The following CA10 variants were observed in gnomAD, a reference collection of about 807,000 sequenced individuals.
CA10 encodes the protein carbonic anhydrase 10 (inactive), also known as carbonic anhydrase-related protein 10.
A neutral mutation model predicts 44.2 loss-of-function variants in CA10; 14 were observed. The observed-to-expected ratio is 0.32, with a 90% confidence interval of 0.21 to 0.50. The LOEUF (loss-of-function observed/expected upper bound fraction) is 0.50, where lower values mean the gene tolerates loss of function less well. Ranked by LOEUF, CA10 falls within the 20% of genes least tolerant of loss-of-function variation. The probability of loss-of-function intolerance (pLI) is 0.99; values close to 1 mark genes in which losing one functional copy is unlikely to be tolerated. For synonymous variants in CA10, 159 were observed against 141.6 expected, an observed-to-expected ratio of 1.12 and a Z score of -0.87; for missense variants, 350 against 409.7, an observed-to-expected ratio of 0.85 and a Z score of 1.26.
chr17:51,793,453 A>T (rs1906597177), intron 3 of CA10, among the ~76,000 whole-genome samples: 1 of 152,224 alleles, frequency 6.6e-6, no homozygotes, highest in Non-Finnish European at 1.5e-5. Flanking sequence ...CAAGACTGGA[A>T]TGATAATCCC....
chr17:52,137,889 C>G (rs1163299199), intron 1 of CA10, among the ~76,000 whole-genome samples: 3 of 152,146 alleles, frequency 2.0e-5, no homozygotes, highest in Admixed American at 6.6e-5. Context: ...CTTTCCTTCA[C>G]CACAGCTGTG....
intron 3 of CA10, among the ~76,000 whole-genome samples, chr17:51,754,945 A>G (rs1476130319): frequency 1.3e-5 from 2 of 152,022 alleles, no homozygotes; most frequent in African/African-American, 4.8e-5. Flanking sequence ...ATATAGCTAC[A>G]TTATCTATAT....
At position 52,101,170 on chromosome 17, in the gene CA10, G is replaced by A. The variant is rs143767195; in HGVS notation, c.62-28777C>T. Among the ~76,000 whole-genome samples, 549 of 152,306 alleles carry A rather than the reference G, an allele frequency of 3.6e-3. 4 individuals are homozygous for A. The highest frequency in any genetic ancestry group is 0.029 in the South Asian group (138 of 4,824). ...GATGGCCTCCAGTAATGAGATGCAA[G>A]TGAGAGCTAAGTCCCCTTCTCCCAA... On this transcript the variant is annotated intron_variant, in intron 1 of 8. Transcript: ENST00000451037.
chr17:52,043,256 A>G (rs998594375), intron 2 of CA10, among the ~76,000 whole-genome samples: 1 of 152,050 alleles, frequency 6.6e-6, no homozygotes, highest in African/African-American at 2.4e-5. Context: ...TTCCATCAGC[A>G]TCTCACAGTT....
At chr17:51,943,728 G>A (rs1182022532) in intron 2 of CA10, among the ~76,000 whole-genome samples, 2 of 152,266 alleles carry the variant, frequency 1.3e-5, no homozygotes, top group African/African-American at 4.8e-5. Context: ...AAGCAGCCCA[G>A]CTACTTCCCA....
intron 1 of CA10, among the ~76,000 whole-genome samples, chr17:52,087,286 G>A (rs1022533748): frequency 3.9e-5 from 6 of 152,128 alleles, no homozygotes; most frequent in Admixed American, 6.5e-5. Context: ...GATTATAGGC[G>A]TGTGCCACCA....
At chr17:51,659,454 CTT>C (rs973262514) in intron 4 of CA10, among the ~76,000 whole-genome samples, 1 of 152,168 alleles carries the variant, frequency 6.6e-6, no homozygotes, top group African/African-American at 2.4e-5. Context: ...TAAATCTCCT[CTT>C]ATATATCTAT....
At chr17:51,707,273 T>C (rs1230363268) in intron 4 of CA10, among the ~76,000 whole-genome samples, 3 of 152,222 alleles carry the variant, frequency 2.0e-5, no homozygotes, top group African/African-American at 7.2e-5. Context: ...ATTCTTTTTA[T>C]AGAGATTCTG....
intron 3 of CA10, among the ~76,000 whole-genome samples, chr17:51,812,768 C>A (rs1907420282): frequency 6.6e-6 from 1 of 152,188 alleles, no homozygotes; most frequent in South Asian, 2.1e-4. Flanking sequence ...CTGAGTCCCA[C>A]CTGCTCTCAG....
intron 4 of CA10, among the ~76,000 whole-genome samples, chr17:51,656,592 G>T (rs1192608238): frequency 6.6e-6 from 1 of 152,154 alleles, no homozygotes; most frequent in African/African-American, 2.4e-5. Flanking sequence ...ATACATTCTA[G>T]AAATAAAGCT....
intron 2 of CA10, among the ~76,000 whole-genome samples, chr17:52,041,678 C>A (rs769995810): frequency 4.3e-4 from 65 of 152,076 alleles, no homozygotes; most frequent in Non-Finnish European, 7.4e-4. Flanking sequence ...ATACTCAGTA[C>A]TTATTCATCT....
chr17:52,008,012 T>C (rs1274340441), intron 2 of CA10, among the ~76,000 whole-genome samples: 1 of 151,732 alleles, frequency 6.6e-6, no homozygotes, highest in Admixed American at 6.6e-5. Flanking sequence ...CATAGTTTTA[T>C]CTTTCCACTG....
intron 2 of CA10, among the ~76,000 whole-genome samples, chr17:51,971,557 G>T (rs959641257): frequency 3.3e-5 from 5 of 152,006 alleles, no homozygotes; most frequent in Non-Finnish European, 7.4e-5. Context: ...ATTATTACTT[G>T]CTTAATCAGG....
At chr17:52,111,126 C>T (rs1231754708) in intron 1 of CA10, among the ~76,000 whole-genome samples, 2 of 152,132 alleles carry the variant, frequency 1.3e-5, no homozygotes, top group African/African-American at 4.8e-5. Flanking sequence ...TGTCACATTC[C>T]TCCCCTTCAC....
intron 3 of CA10, among the ~76,000 whole-genome samples, chr17:51,828,750 G>A (rs1450414476): frequency 6.6e-6 from 1 of 152,188 alleles, no homozygotes; most frequent in Non-Finnish European, 1.5e-5. Flanking sequence ...CCAGTAGGGT[G>A]CTGTCATAGC....
intron 1 of CA10, among the ~76,000 whole-genome samples, chr17:52,148,629 T>A (rs1327952775): frequency 6.6e-6 from 1 of 152,146 alleles, no homozygotes; most frequent in African/African-American, 2.4e-5. Context: ...TGGCCTCAGA[T>A]CTTGTCCCTC....
chr17:51,862,321 G>C (rs6504750), intron 3 of CA10, among the ~76,000 whole-genome samples: 19,619 of 152,006 alleles, frequency 0.13, 1,663 homozygotes, highest in African/African-American at 0.25. Flanking sequence ...AGATTCTCAG[G>C]ATTCTTTAGC....
chr17:51,707,669 A>ATGTG (rs1491192056), intron 4 of CA10, among the ~76,000 whole-genome samples: 43 of 39,822 alleles, frequency 1.1e-3, no homozygotes, highest in Middle Eastern at 0.011. Flanking sequence ...AAGTGGATGA[A>ATGTG]TATGTGTGTG....
intron 4 of CA10, among the ~76,000 whole-genome samples, chr17:51,670,672 C>A (rs991692824): frequency 3.3e-5 from 5 of 152,140 alleles, no homozygotes; most frequent in African/African-American, 4.8e-5. Context: ...TCTCTTATAT[C>A]CACAATGAGT....
Sources: gnomAD v4.1 joint callset for allele counts (sites outside exome capture counted in the v4.1 genomes callset) on GRCh38, gnomAD v4.1.1 for gene constraint, MANE v1.5 for transcripts, NCBI Gene and HGNC (gene_info 2026-07-23, HGNC 2026-07-21) for gene names.